Variants in ATRNL1 observed in about 807,000 individuals in gnomAD.
The protein encoded by ATRNL1 is attractin like 1, also known as attractin-like protein 1.
ATRNL1 carries 95 observed loss-of-function variants against 182.7 expected under a neutral mutation model. The observed-to-expected ratio is 0.52, with a 90% CI of 0.44 to 0.62. The LOEUF is 0.62. ATRNL1 is among the 20% of genes least tolerant of loss of function. The pLI, the probability that ATRNL1 is intolerant of heterozygous loss-of-function variation, is 0.00. For synonymous variants in ATRNL1, 576 were observed against 568.3 expected (o/e 1.01, Z -0.19); for missense variants, 1,471 against 1,679.5 (o/e 0.88, Z 2.17).
Position 115,727,238 on chromosome 10 carries a change from C to G in ATRNL1, c.3796-10C>G. ...CTATTTTAAGATAAATCATTTTTAA[C>G]CCCCTCCAGCAACTGCTTCGAGAAC... On this transcript the variant is annotated splice_polypyrimidine_tract_variant and intron_variant, in intron 26 of 28. Coordinates refer to ENST00000355044, the MANE Select transcript of ATRNL1 (RefSeq NM_207303.4). 1 of 1,596,506 alleles carries G rather than the reference C, an allele frequency of 6.3e-7. No homozygotes were observed. Among genetic ancestry groups the G allele is most frequent in the Non-Finnish European group, 8.6e-7 (1 of 1,163,750 alleles).
chr10:115,888,393 G>A (rs1952001882), intron 28 of ATRNL1, among the ~76,000 whole-genome samples: 1 of 152,172 alleles, frequency 6.6e-6, no homozygotes, highest in African/African-American at 2.4e-5. Flanking sequence ...CATTAGGGCA[G>A]AGACCACATC....
intron 28 of ATRNL1, among the ~76,000 whole-genome samples, chr10:115,935,233 C>T (rs1256750969): frequency 6.6e-6 from 1 of 152,190 alleles, no homozygotes; most frequent in Non-Finnish European, 1.5e-5. Flanking sequence ...GCCCTCAATA[C>T]ATGTTTCTCA....
intron 24 of ATRNL1, among the ~76,000 whole-genome samples, chr10:115,470,057 T>A (rs1848232588): frequency 6.6e-6 from 1 of 150,494 alleles, no homozygotes; most frequent in Non-Finnish European, 1.5e-5. Flanking sequence ...TGTTCATGGC[T>A]TTTATGTTTT....
At chr10:115,621,276 T>TATATATAGAGAGAGAG (rs1268020830) in intron 26 of ATRNL1, among the ~76,000 whole-genome samples, 115 of 47,536 alleles carry the variant, frequency 2.4e-3, no homozygotes, top group Non-Finnish European at 3.6e-3. Context: ...TATATATATA[T>TATATATAGAGAGAGAG]AGAGAGAGAG....
chr10:115,559,176 A>T (rs1853510581), intron 26 of ATRNL1, among the ~76,000 whole-genome samples: 1 of 152,220 alleles, frequency 6.6e-6, no homozygotes. Flanking sequence ...GTTATGGGCC[A>T]CTGTCCCCAT....
At chr10:115,390,775 C>T (rs572334766) in intron 19 of ATRNL1, among the ~76,000 whole-genome samples, 2 of 152,246 alleles carry the variant, frequency 1.3e-5, no homozygotes, top group Admixed American at 1.3e-4. Flanking sequence ...CTAATTATCC[C>T]AATCCATGAA....
At chr10:115,941,715 A>T (rs927238383) in intron 28 of ATRNL1, among the ~76,000 whole-genome samples, 1 of 152,240 alleles carries the variant, frequency 6.6e-6, no homozygotes, top group Non-Finnish European at 1.5e-5. Flanking sequence ...GTAAATAATG[A>T]CAGAAGTATG....
rs1445245526 is a variant in ATRNL1 at position 115,350,341 on chromosome 10, AAAAAG to A, written c.3175+15927_3175+15931del. Among the ~76,000 whole-genome samples, 41 of 139,548 alleles carry A rather than the reference AAAAAG, an allele frequency of 2.9e-4. 1 individual carries two copies. Among genetic ancestry groups the A allele is most frequent in the Non-Finnish European group, 4.5e-4 (29 of 64,338 alleles). 91.5% of individuals were successfully genotyped at this position (139,548 alleles called of 152,430 possible). A position where few individuals can be genotyped will look rare whatever the true frequency, so the allele number is the denominator to read the frequency against. Reference sequence around the variant, plus strand: ...CAGAGCAAGACTCTGTCTCAAAAAAAAAAAGAAAAAAAAAAAAAAAAAAGAATTTC... The same window carrying A: ...CAGAGCAAGACTCTGTCTCAAAAAAAAAAAAAAAAAAAAAAAAAGAATTTC... On this transcript the variant is annotated intron_variant, in intron 19 of 28. Transcript: ENST00000355044.
At chr10:115,740,845 CACACACACAA>C (rs1295532533) in intron 27 of ATRNL1, among the ~76,000 whole-genome samples, 277 of 3,588 alleles carry the variant, frequency 0.077, 2 homozygotes, top group African/African-American at 0.12. Flanking sequence ...CACACACACA[CACACACACAA>C]ACACACACAC....
intron 26 of ATRNL1, among the ~76,000 whole-genome samples, chr10:115,558,611 A>C (rs542261822): frequency 6.6e-6 from 1 of 151,938 alleles, no homozygotes; most frequent in Non-Finnish European, 1.5e-5. Flanking sequence ...AGTTTGTATT[A>C]ATTGGCCTCA....
intron 26 of ATRNL1, among the ~76,000 whole-genome samples, chr10:115,623,760 A>G (rs1031037102): frequency 1.3e-5 from 2 of 152,132 alleles, no homozygotes; most frequent in Admixed American, 6.5e-5. Context: ...AGGTATACAT[A>G]ATCAATGATA....
intron 26 of ATRNL1, among the ~76,000 whole-genome samples, chr10:115,626,637 A>T (rs983395990): frequency 8.5e-5 from 13 of 152,172 alleles, no homozygotes; most frequent in Non-Finnish European, 1.6e-4. Context: ...TTCAAATTTG[A>T]TACTAGCAAT....
chr10:115,867,235 T>C (rs1951459912), intron 28 of ATRNL1, among the ~76,000 whole-genome samples: 1 of 152,180 alleles, frequency 6.6e-6, no homozygotes, highest in African/African-American at 2.4e-5. Flanking sequence ...ATATTAACTG[T>C]TTTATACAAT....
At chr10:115,495,945 G>A (rs1169869663) in intron 24 of ATRNL1, among the ~76,000 whole-genome samples, 1 of 152,100 alleles carries the variant, frequency 6.6e-6, no homozygotes, top group African/African-American at 2.4e-5. Flanking sequence ...CTATTATTGT[G>A]TGGTTATGTA....
chr10:115,114,714 G>A (rs1268917), intron 1 of ATRNL1, among the ~76,000 whole-genome samples: 6,278 of 152,080 alleles, frequency 0.041, 430 homozygotes, highest in African/African-American at 0.14. Flanking sequence ...CTCTTAAAAT[G>A]GCTCTTATAA....
intron 26 of ATRNL1, among the ~76,000 whole-genome samples, chr10:115,587,193 A>T (rs199568226): frequency 2.5e-4 from 37 of 150,210 alleles, no homozygotes; most frequent in East Asian, 4.1e-4. Context: ...TGCAGAGGTT[A>T]CTGCTGTCTT....
intron 19 of ATRNL1, among the ~76,000 whole-genome samples, chr10:115,373,727 A>T (rs1857513526): frequency 6.6e-6 from 1 of 151,392 alleles, no homozygotes; most frequent in Non-Finnish European, 1.5e-5. Flanking sequence ...TTGATGAATG[A>T]TTTTTTTTCA....
intron 19 of ATRNL1, among the ~76,000 whole-genome samples, chr10:115,385,106 C>T (rs2134244652): frequency 6.6e-6 from 1 of 152,104 alleles, no homozygotes; most frequent in Non-Finnish European, 1.5e-5. Flanking sequence ...ACGTATGTGT[C>T]ACCTTATAGG....
chr10:115,541,640 T>C (rs566240627), intron 25 of ATRNL1, among the ~76,000 whole-genome samples: 1 of 152,184 alleles, frequency 6.6e-6, no homozygotes, highest in African/African-American at 2.4e-5. Context: ...AAAAATATAC[T>C]CATATAATGT....
Sources: gnomAD v4.1 joint callset for allele counts (sites outside exome capture counted in the v4.1 genomes callset) on GRCh38, gnomAD v4.1.1 for gene constraint, MANE v1.5 for transcripts, NCBI Gene and HGNC (gene_info 2026-07-23, HGNC 2026-07-21) for gene names.